Variants in APOO observed in about 807,000 individuals in gnomAD.
The protein encoded by APOO is MICOS complex subunit MIC26.
In APOO, 11 loss-of-function variants were observed where a neutral mutation model predicts 23.1. The observed-to-expected ratio is 0.48, with a 90% CI of 0.30 to 0.79. The LOEUF (loss-of-function observed/expected upper bound fraction) is 0.79. Among genes scored for constraint, APOO ranks in the 30% least tolerant of loss-of-function variants. The probability of loss-of-function intolerance (pLI) is 0.07; values close to 1 mark genes in which losing one functional copy is unlikely to be tolerated. For missense variants in APOO, 160 were observed against 142.7 expected, an observed-to-expected ratio of 1.12 and a Z score of -0.62; for synonymous variants, 59 against 54.8, an observed-to-expected ratio of 1.08 and a Z score of -0.34.
chrX:23,879,045 T>G lies in APOO; in HGVS notation c.118-11A>C, dbSNP rs757138790. ...TGAGTAGAGTGAAAGCTGCGCACAT[T>G]AAAACAAAACAAAGATTTAAAAGAT... On this transcript the variant is annotated splice_polypyrimidine_tract_variant and intron_variant, in intron 2 of 8. Coordinates refer to ENST00000379226, the MANE Select transcript of APOO (RefSeq NM_024122.5). The G allele has an allele frequency of 8.3e-7, 1 of 1,204,237 alleles. No homozygotes were observed. Among genetic ancestry groups the G allele is most frequent in the Non-Finnish European group, 1.1e-6 (1 of 889,879 alleles).
intron 7 of APOO, among the ~76,000 whole-genome samples, chrX:23,843,923 G>A (rs1055226849): frequency 8.9e-6 from 1 of 112,077 alleles, no homozygotes; most frequent in African/African-American, 3.2e-5. Context: ...AACTTTTTAA[G>A]AAAATCAAGA....
intron 5 of APOO, among the ~76,000 whole-genome samples, chrX:23,863,313 GTGACAGAGTGA>G (rs1426534199): frequency 4.5e-5 from 5 of 111,976 alleles, no homozygotes; most frequent in African/African-American, 1.6e-4. Flanking sequence ...TCCAGCCTGG[GTGACAGAGTGA>G]GACTCCGTCT....
At chrX:23,863,235 G>A (rs996376626) in intron 5 of APOO, among the ~76,000 whole-genome samples, 6 of 112,114 alleles carry the variant, frequency 5.4e-5, no homozygotes, top group African/African-American at 1.9e-4. Flanking sequence ...CTGGGAGGTT[G>A]AGGCGTGAGA....
chrX:23,875,771 T>C (rs192193275), intron 3 of APOO, among the ~76,000 whole-genome samples: 1 of 110,895 alleles, frequency 9.0e-6, no homozygotes, highest in Non-Finnish European at 1.9e-5. Context: ...CAAGCTATCC[T>C]CATTCTTTTA....
intron 1 of APOO, among the ~76,000 whole-genome samples, chrX:23,899,173 A>G (rs1953644894): frequency 8.9e-6 from 1 of 112,099 alleles, no homozygotes; most frequent in Non-Finnish European, 1.9e-5. Flanking sequence ...CATTGCTTCA[A>G]ACAGCCAGAA....
intron 2 of APOO, among the ~76,000 whole-genome samples, chrX:23,880,286 A>G (rs530707152): frequency 4.5e-5 from 5 of 112,006 alleles, no homozygotes; most frequent in East Asian, 5.6e-4. Context: ...GTAAACATTT[A>G]TAAAGTATTC....
At chrX:23,901,256 A>T (rs1304051868) in intron 1 of APOO, among the ~76,000 whole-genome samples, 3 of 111,772 alleles carry the variant, frequency 2.7e-5, no homozygotes, top group African/African-American at 9.8e-5. Context: ...TGAGGAAGGA[A>T]GTGACACAGA....
At chrX:23,879,164 G>C (rs2147018607) in intron 2 of APOO, 130 bp from the exon 3 acceptor site, 1 of 830,030 alleles carries the variant, frequency 1.2e-6, no homozygotes, top group Non-Finnish European at 1.6e-6. Flanking sequence ...GGTCGGGTGT[G>C]GTGGTTCACG....
At chrX:23,871,280 G>A (rs1925608684) in intron 4 of APOO, among the ~76,000 whole-genome samples, 1 of 101,565 alleles carries the variant, frequency 9.8e-6, no homozygotes, top group African/African-American at 3.6e-5. Context: ...GGAGAATGGC[G>A]TAAACCCAGG....
At chrX:23,893,732 C>G (rs1240383113) in intron 1 of APOO, among the ~76,000 whole-genome samples, 1 of 110,384 alleles carries the variant, frequency 9.1e-6, no homozygotes, top group South Asian at 3.8e-4. Context: ...CCACGCCCAG[C>G]TAATTTTTTT....
intron 1 of APOO, among the ~76,000 whole-genome samples, chrX:23,882,352 TATTACAGAATAGCCTCATCTTTCAC>T (rs1214559655): frequency 7.1e-5 from 8 of 112,475 alleles, no homozygotes; most frequent in African/African-American, 2.6e-4. Flanking sequence ...TTACGTTTTG[TATTACAGAATAGCCTCATCTTTCAC>T]ATTACAGGCA....
chrX:23,901,378 C>T (rs1927125622), intron 1 of APOO, among the ~76,000 whole-genome samples: 2 of 111,518 alleles, frequency 1.8e-5, no homozygotes, highest in Admixed American at 1.9e-4. Flanking sequence ...TGGGGTTCTA[C>T]ATCAACTGAT....
At chrX:23,888,849 C>CAAAAAA (rs11338273) in intron 1 of APOO, among the ~76,000 whole-genome samples, 1 of 41,264 alleles carries the variant, frequency 2.4e-5, no homozygotes, top group Non-Finnish European at 4.1e-5. Context: ...GATTTCATCT[C>CAAAAAA]AAAAAAAAAA....
In APOO at chrX:23,862,084, GAA is replaced by G. The variant is rs1167460153; in HGVS notation, c.389-3353_389-3352del. On this transcript the variant is annotated intron_variant, in intron 5 of 8. Transcript: ENST00000379226. ...CTCCCAAAGTGCTGGGATTACAGGT[GAA>G]AGAGTTCTTATTAGCATTTCAGCTG... Among the ~76,000 whole-genome samples, 4 of 110,915 alleles carry G rather than the reference GAA, an allele frequency of 3.6e-5. No individual in the cohort carries two copies. The South Asian group carries it at 1.5e-3, about 42-fold the overall frequency.
intron 1 of APOO, among the ~76,000 whole-genome samples, chrX:23,883,000 A>T (rs886740741): frequency 2.7e-5 from 3 of 110,679 alleles, no homozygotes; most frequent in Non-Finnish European, 5.7e-5. Flanking sequence ...AATCGCTTGA[A>T]CCCAGGAGGT....
chrX:23,889,099 G>A (rs1249705165), intron 1 of APOO, among the ~76,000 whole-genome samples: 4 of 109,813 alleles, frequency 3.6e-5, no homozygotes, highest in East Asian at 2.9e-4. Context: ...CTATAATCGC[G>A]TCACTGCATT....
At chrX:23,875,110 C>T (rs922221819) in intron 3 of APOO, among the ~76,000 whole-genome samples, 5 of 109,553 alleles carry the variant, frequency 4.6e-5, no homozygotes, top group Admixed American at 9.8e-5. Flanking sequence ...ATTAGCCGGG[C>T]GTGGTGGCAC....
At chrX:23,877,591 T>C (rs757501346) in intron 3 of APOO, among the ~76,000 whole-genome samples, 1 of 110,774 alleles carries the variant, frequency 9.0e-6, no homozygotes, top group Non-Finnish European at 1.9e-5. Flanking sequence ...CTGGCCAACA[T>C]GGCGAAACTC....
At chrX:23,851,705 G>C (rs989413344) in intron 7 of APOO, among the ~76,000 whole-genome samples, 2 of 112,193 alleles carry the variant, frequency 1.8e-5, no homozygotes, top group Non-Finnish European at 3.8e-5. Context: ...TTCCTCTTAA[G>C]TAACCAATGA....
Sources: allele counts gnomAD v4.1 joint callset (sites outside exome capture counted in the v4.1 genomes callset), GRCh38; gene constraint gnomAD v4.1.1; transcripts MANE v1.5; gene names NCBI Gene and HGNC (gene_info 2026-07-23, HGNC 2026-07-21).